The following CCDC187 variants were observed in gnomAD, a reference collection of about 807,000 sequenced individuals.
CCDC187 encodes the protein coiled-coil domain containing 187.
Under a neutral mutation model 38.0 loss-of-function variants are expected in CCDC187, and 32 were observed. The ratio of observed to expected loss-of-function variants is 0.84; its 90% CI spans 0.64 to 1.13. CCDC187 has a LOEUF of 1.13. CCDC187 is among the 50% of genes most tolerant of loss of function. CCDC187 has a pLI of 0.00. For missense variants in CCDC187, 707 were observed against 786.8 expected (o/e 0.90, Z 1.21); for synonymous variants, 333 against 347.9 (o/e 0.96, Z 0.48).
At position 136,299,152 on chromosome 9, in the gene CCDC187, G is replaced by A. The variant is rs928284502; in HGVS notation, c.724+1068C>T. ...GAGGAACAAAGTGGCGCTGACCACA[G>A]GGCTCAGGCGGAACCGGATCTGGAT... On this transcript the variant is annotated intron_variant, in intron 3 of 25. Transcript: ENST00000638797. Among the ~76,000 whole-genome samples, 3 of 152,324 alleles carry A rather than the reference G, an allele frequency of 2.0e-5. No homozygotes were observed. In the South Asian group the frequency reaches 6.2e-4, roughly 32 times the overall value.
intron 10 of CCDC187, among the ~76,000 whole-genome samples, chr9:136,277,299 G>A (rs932107986): frequency 4.6e-5 from 6 of 131,058 alleles, no homozygotes; most frequent in Non-Finnish European, 9.8e-5. Flanking sequence ...GGGTGATGAC[G>A]GGGTGGGTGT....
At position 136,254,630 on chromosome 9, in the gene CCDC187, C is replaced by T; in HGVS notation, c.5198G>A (p.Ser1733Asn). ...AGGCAGTAGCCAGCCTGCCTTTGGG[C>T]TTTGCTCCGGCGCTGAAACTTCTGC... ...AMAEVSAPEQ[S>N]PKAGWLLPFP... The change falls in exon 26 of 26, where the codon AGC (serine) becomes AAC (asparagine). Residue 1733 changes from serine (S) to asparagine (N), a missense_variant. By Grantham distance (46) the Ser-to-Asn change is conservative (BLOSUM62 1). Transcript: ENST00000638797. 1 of 985,532 alleles carries T rather than the reference C, an allele frequency of 1.0e-6. No homozygotes were observed. The highest frequency in any genetic ancestry group is 1.7e-5 in the African/African-American group (1 of 57,368). 61.0% of individuals were successfully genotyped at this position (985,532 alleles called of 1,614,324 possible).
intron 2 of CCDC187, among the ~76,000 whole-genome samples, chr9:136,300,722 C>T (rs1831657955): frequency 6.6e-6 from 1 of 152,134 alleles, no homozygotes; most frequent in Non-Finnish European, 1.5e-5. Context: ...CTCAGCCTCC[C>T]GAGTAACTGG....
At chr9:136,265,420 C>A (rs1830732516) in intron 17 of CCDC187, among the ~76,000 whole-genome samples, 1 of 152,216 alleles carries the variant, frequency 6.6e-6, no homozygotes, top group Non-Finnish European at 1.5e-5. Flanking sequence ...ACCCTCCCAG[C>A]CCCCATGCAT....
Position 136,257,977 on chromosome 9 carries a change from A to G in CCDC187, c.4366+955T>C, listed in dbSNP as rs1473009002. Among the ~76,000 whole-genome samples the G allele has an allele frequency of 2.0e-5, 3 of 152,202 alleles. No individual in the cohort carries two copies. Among genetic ancestry groups the G allele is most frequent in the African/African-American group, 4.8e-5 (2 of 41,452 alleles). On this transcript the variant is annotated intron_variant, in intron 22 of 25. Transcript: ENST00000638797. This position sits in a 1 kb window ranked among gnomAD's most constrained non-coding sequence, Gnocchi z 4.5. ...GGGCATAACGAGTGAATCCACCTCCAGAGGCAACGAGGACCCATGGTGGGT... is the reference window on the plus strand; with the variant it reads ...GGGCATAACGAGTGAATCCACCTCCGGAGGCAACGAGGACCCATGGTGGGT...
intron 3 of CCDC187, among the ~76,000 whole-genome samples, chr9:136,298,613 G>A (rs1831594854): frequency 6.6e-6 from 1 of 152,234 alleles, no homozygotes; most frequent in African/African-American, 2.4e-5. Flanking sequence ...GCCTCCAAAC[G>A]CCACTTGGTC....
rs1185025657 is a variant in CCDC187, at chr9:136,253,095, T to G, written c.*499A>C. The G allele has an allele frequency of 2.6e-5, 4 of 152,432 alleles. No individual in the cohort carries two copies. The highest frequency in any genetic ancestry group is 5.9e-5 in the Non-Finnish European group (4 of 68,240). 9.4% of individuals were successfully genotyped at this position (152,432 alleles called of 1,614,324 possible). A position where few individuals can be genotyped will look rare whatever the true frequency, so the allele number is the denominator to read the frequency against. On this transcript the variant is annotated 3_prime_UTR_variant, in exon 26 of 26. Transcript: ENST00000638797. ...AGCATTTCTTTGGGGTCTTGGCCCC[T>G]GGTGGGGGTCTTGGCCAAGCAGGCT... is the stretch of plus-strand genomic sequence containing the variant.
chr9:136,293,984 ACACACACT>A (rs1831461922), intron 4 of CCDC187, among the ~76,000 whole-genome samples: 2 of 151,124 alleles, frequency 1.3e-5, no homozygotes, highest in Admixed American at 1.3e-4. Context: ...ATGCTCTCAC[ACACACACT>A]CACACTCATA....
chr9:136,264,748 C>A lies in CCDC187; in HGVS notation c.3736-950G>T, dbSNP rs991787425. On this transcript the variant is annotated intron_variant, in intron 17 of 25. Coordinates refer to ENST00000638797, the MANE Select transcript of CCDC187 (RefSeq NM_001378188.1). This position sits in a 1 kb window ranked among gnomAD's most constrained non-coding sequence, Gnocchi z 4.3. Reference sequence around the variant, plus strand: ...GAGGGTCGTGGGCAAAGTAGTCCCCCACCCCAGCTCACCTTTTTTTTTTTT... The same window carrying A: ...GAGGGTCGTGGGCAAAGTAGTCCCCAACCCCAGCTCACCTTTTTTTTTTTT... 2.7e-5 allele frequency among the ~76,000 whole-genome samples: 4 copies of A among 150,020 alleles called. No homozygotes were observed. The highest frequency in any genetic ancestry group is 7.4e-5 in the African/African-American group (3 of 40,804).
At chr9:136,289,749 C>T (rs1280092829) in intron 7 of CCDC187, among the ~76,000 whole-genome samples, 1 of 152,192 alleles carries the variant, frequency 6.6e-6, no homozygotes, top group African/African-American at 2.4e-5. Context: ...TTTGATGCGA[C>T]TCTTGCCTCC....
chr9:136,269,849 C>G (rs34023719), intron 14 of CCDC187, among the ~76,000 whole-genome samples: 17,081 of 152,126 alleles, frequency 0.11, 1,237 homozygotes, highest in Admixed American at 0.2. Context: ...TTTCGTAACT[C>G]TATCGCATAT....
At chr9:136,292,540 T>A (rs1344586642) in intron 4 of CCDC187, among the ~76,000 whole-genome samples, 1 of 152,038 alleles carries the variant, frequency 6.6e-6, no homozygotes, top group Non-Finnish European at 1.5e-5. Context: ...AGAGTCCTCC[T>A]CCTCCCTGAC....
intron 14 of CCDC187, among the ~76,000 whole-genome samples, chr9:136,273,278 C>A (rs1304895399): frequency 2.0e-5 from 3 of 152,160 alleles, no homozygotes; most frequent in Non-Finnish European, 4.4e-5. Context: ...GTAAGAAACA[C>A]ACTTCAAATA....
At chr9:136,302,573 C>T (rs1831711598) in intron 2 of CCDC187, among the ~76,000 whole-genome samples, 1 of 152,234 alleles carries the variant, frequency 6.6e-6, no homozygotes, top group African/African-American at 2.4e-5. Flanking sequence ...GCCCTGTGTG[C>T]CCCTCCCTCC....
At chr9:136,271,198 C>G (rs1305531632) in intron 14 of CCDC187, among the ~76,000 whole-genome samples, 2 of 152,194 alleles carry the variant, frequency 1.3e-5, no homozygotes, top group African/African-American at 4.8e-5. Context: ...GAAAAATCCA[C>G]AGGTCGAAGA....
At chr9:136,273,169 T>G (rs762776361) in intron 14 of CCDC187, among the ~76,000 whole-genome samples, 2 of 152,174 alleles carry the variant, frequency 1.3e-5, no homozygotes, top group Non-Finnish European at 2.9e-5. Flanking sequence ...CCTAACCACA[T>G]CCGTCATCAC....
intron 2 of CCDC187, among the ~76,000 whole-genome samples, chr9:136,301,429 G>A (rs1236143566): frequency 6.6e-6 from 1 of 152,220 alleles, no homozygotes; most frequent in South Asian, 2.1e-4. Flanking sequence ...GGAGGGGACG[G>A]GGGTGAGTGT....
chr9:136,287,602 C>T (rs1325391013), intron 7 of CCDC187, among the ~76,000 whole-genome samples: 2 of 152,156 alleles, frequency 1.3e-5, no homozygotes, highest in African/African-American at 2.4e-5. Context: ...TCCTCGGCTG[C>T]GGCACCCAAT....
chr9:136,294,938 C>T (rs1322955114), intron 4 of CCDC187, among the ~76,000 whole-genome samples: 1 of 152,256 alleles, frequency 6.6e-6, no homozygotes, highest in Non-Finnish European at 1.5e-5. Flanking sequence ...CTGCCACTCA[C>T]CAGCCATGGG....
Sources: gnomAD v4.1 joint callset for allele counts (sites outside exome capture counted in the v4.1 genomes callset) on GRCh38, gnomAD v4.1.1 for gene constraint, Gnocchi (gnomAD v3.1) non-coding constraint, MANE v1.5 for transcripts, NCBI Gene and HGNC (gene_info 2026-07-23, HGNC 2026-07-21) for gene names.